The following NFIA variants were observed in gnomAD, a reference collection of about 807,000 sequenced individuals.
NFIA encodes the protein nuclear factor I A, also known as nuclear factor 1 A-type.
In NFIA, 8 loss-of-function variants were observed where a neutral mutation model predicts 62.8. The observed-to-expected ratio is 0.13, with a 90% CI of 0.07 to 0.23. NFIA has a LOEUF of 0.23. NFIA is among the 10% of genes least tolerant of loss of function. The probability of loss-of-function intolerance (pLI) is 1.00; values close to 1 mark genes in which losing one functional copy is unlikely to be tolerated. For missense variants in NFIA, 410 were observed against 642.1 expected (o/e 0.64, Z 3.91); for synonymous variants, 235 against 238.1 (o/e 0.99, Z 0.12).
chr1:61,334,095 A>G (rs1661454371), intron 4 of NFIA, among the ~76,000 whole-genome samples: 1 of 152,208 alleles, frequency 6.6e-6, no homozygotes, highest in Non-Finnish European at 1.5e-5. Flanking sequence ...GCCCAAAGGA[A>G]CTTGAAGAGA....
chr1:61,429,897 T>TG (rs1187935050), intron 10 of NFIA, among the ~76,000 whole-genome samples: 1 of 152,142 alleles, frequency 6.6e-6, no homozygotes, highest in Non-Finnish European at 1.5e-5. Context: ...AGTAGAGTAG[T>TG]GGCTGCCAGG....
At chr1:61,200,864 C>T (rs1028559262) in intron 2 of NFIA, among the ~76,000 whole-genome samples, 3 of 152,114 alleles carry the variant, frequency 2.0e-5, no homozygotes, top group Non-Finnish European at 2.9e-5. Context: ...GGTAGTAGTA[C>T]TCATTTAAGT....
At chr1:61,160,817 A>G (rs1649146126) in intron 2 of NFIA, among the ~76,000 whole-genome samples, 1 of 152,210 alleles carries the variant, frequency 6.6e-6, no homozygotes, top group African/African-American at 2.4e-5. Context: ...TATAGCACCA[A>G]GTCACATTTT....
chr1:61,352,095 C>A (rs1283005328), intron 4 of NFIA, among the ~76,000 whole-genome samples: 1 of 152,166 alleles, frequency 6.6e-6, no homozygotes, highest in Non-Finnish European at 1.5e-5. Context: ...CTGTCAGGAT[C>A]AGATAAAGTT....
chr1:61,101,475 A>G (rs1036310563), intron 2 of NFIA, among the ~76,000 whole-genome samples: 4 of 151,552 alleles, frequency 2.6e-5, no homozygotes, highest in East Asian at 1.9e-4. Context: ...GAAAAGTTCT[A>G]TTTTTTTTAA....
chr1:61,274,406 C>T (rs1200422538), intron 2 of NFIA, among the ~76,000 whole-genome samples: 1 of 152,180 alleles, frequency 6.6e-6, no homozygotes, highest in African/African-American at 2.4e-5. Flanking sequence ...TACTTCCTTA[C>T]AAGAGCATTT....
At chr1:61,188,381 A>G (rs1651360832) in intron 2 of NFIA, among the ~76,000 whole-genome samples, 1 of 152,214 alleles carries the variant, frequency 6.6e-6, no homozygotes, top group African/African-American at 2.4e-5. Flanking sequence ...CTATTGTGTC[A>G]TGGGCTGCAA....
chr1:61,441,218 C>G (rs2207789), intron 10 of NFIA, among the ~76,000 whole-genome samples: 56,713 of 151,796 alleles, frequency 0.37, 13,368 homozygotes, highest in African/African-American at 0.66. Flanking sequence ...AAACGCATTG[C>G]AATTCCAAGG....
chr1:61,441,292 GGTGTGTGTGTGTGT>G (rs763246425), intron 10 of NFIA, among the ~76,000 whole-genome samples: 21 of 139,368 alleles, frequency 1.5e-4, no homozygotes, highest in East Asian at 6.5e-4. Context: ...GCCGTGCAGG[GGTGTGTGTGTGTGT>G]GTGTGTGTGT....
intron 2 of NFIA, among the ~76,000 whole-genome samples, chr1:61,255,089 G>C (rs1024134536): frequency 6.6e-6 from 1 of 152,316 alleles, no homozygotes. Flanking sequence ...ACAGGATACA[G>C]CTTCCTTCTG....
chr1:61,350,645 A>T (rs767133388), intron 4 of NFIA, among the ~76,000 whole-genome samples: 1 of 151,114 alleles, frequency 6.6e-6, no homozygotes, highest in Non-Finnish European at 1.5e-5. Context: ...TGTCTCTAAA[A>T]CAAAGAAAGA....
chr1:61,254,572 T>C (rs775540424), intron 2 of NFIA, among the ~76,000 whole-genome samples: 1 of 152,132 alleles, frequency 6.6e-6, no homozygotes, highest in Non-Finnish European at 1.5e-5. Flanking sequence ...TATGGAGCCA[T>C]GTGAAAAAAA....
At chr1:61,389,047 G>C (rs1664839419) in intron 7 of NFIA, among the ~76,000 whole-genome samples, 1 of 152,134 alleles carries the variant, frequency 6.6e-6, no homozygotes. Context: ...CCAGGAATTT[G>C]AGGCTGCAGT....
chr1:61,375,182 A>G (rs905018051), intron 6 of NFIA, among the ~76,000 whole-genome samples: 1 of 152,202 alleles, frequency 6.6e-6, no homozygotes, highest in African/African-American at 2.4e-5. Flanking sequence ...GAATTACTAG[A>G]GTGCAGTATA....
chr1:61,395,229 G>C (rs1665203027), intron 7 of NFIA, among the ~76,000 whole-genome samples: 1 of 151,618 alleles, frequency 6.6e-6, no homozygotes, highest in African/African-American at 2.4e-5. Context: ...AATAACCCAT[G>C]GCTTTATGTT....
Position 61,460,987 on chromosome 1 carries a change from GT to G in NFIA, c.*5668del, listed in dbSNP as rs1668507563. Reference sequence around the variant, plus strand: ...GGAGGTATACATTTACTTAAATTCAGTATTACTCGTGTTTTGTTTTTGTTTT... The same window carrying G: ...GGAGGTATACATTTACTTAAATTCAGATTACTCGTGTTTTGTTTTTGTTTT... On this transcript the variant is annotated 3_prime_UTR_variant, in exon 11 of 11. Coordinates refer to ENST00000403491, the MANE Select transcript of NFIA (RefSeq NM_001134673.4). 2 of 152,082 alleles carry G rather than the reference GT, an allele frequency of 1.3e-5. No individual in the cohort carries two copies. The highest frequency in any genetic ancestry group is 4.8e-5 in the African/African-American group (2 of 41,408). 9.4% of individuals were successfully genotyped at this position (152,082 alleles called of 1,614,324 possible).
intron 2 of NFIA, among the ~76,000 whole-genome samples, chr1:61,249,740 G>T (rs1448607361): frequency 2.6e-5 from 4 of 152,144 alleles, no homozygotes; most frequent in African/African-American, 4.8e-5. Flanking sequence ...GGGAGGCGGA[G>T]GTTGCAGTGA....
intron 7 of NFIA, among the ~76,000 whole-genome samples, chr1:61,383,732 A>G (rs1386498352): frequency 6.6e-6 from 1 of 152,234 alleles, no homozygotes; most frequent in East Asian, 1.9e-4. Context: ...GCACACATGC[A>G]TGCATTGGGT....
At chr1:61,351,931 T>C (rs931477832) in intron 4 of NFIA, among the ~76,000 whole-genome samples, 2 of 152,230 alleles carry the variant, frequency 1.3e-5, no homozygotes, top group African/African-American at 4.8e-5. Context: ...TGGACAAATA[T>C]TCAGTTAAGG....
Sources: allele counts gnomAD v4.1 joint callset (sites outside exome capture counted in the v4.1 genomes callset), GRCh38; gene constraint gnomAD v4.1.1; transcripts MANE v1.5; gene names NCBI Gene and HGNC (gene_info 2026-07-23, HGNC 2026-07-21).